Variants in CREB5 observed in about 807,000 individuals in gnomAD.
The protein encoded by CREB5 is cyclic AMP-responsive element-binding protein 5.
CREB5 carries 19 observed loss-of-function variants against 57.1 expected under a neutral mutation model. The observed-to-expected ratio is 0.33, with a 90% CI of 0.23 to 0.49. CREB5 has a LOEUF of 0.49. Ranked by LOEUF, CREB5 falls within the 20% of genes least tolerant of loss-of-function variation. The pLI is 0.99. For synonymous variants in CREB5, 238 were observed against 238.3 expected (o/e 1.00, Z 0.01); for missense variants, 579 against 671.6 (o/e 0.86, Z 1.52).
intron 5 of CREB5, among the ~76,000 whole-genome samples, chr7:28,591,126 A>C (rs1796497977): frequency 6.6e-6 from 1 of 152,190 alleles, no homozygotes; most frequent in Non-Finnish European, 1.5e-5. Context: ...CAGGATGACC[A>C]ACTGATTTTC....
At chr7:28,470,892 C>T (rs1476524925) in intron 1 of CREB5, among the ~76,000 whole-genome samples, 2 of 152,110 alleles carry the variant, frequency 1.3e-5, no homozygotes, top group African/African-American at 4.8e-5. Context: ...AGAAATGTCT[C>T]TTCAAATTTT....
intron 1 of CREB5, among the ~76,000 whole-genome samples, chr7:28,436,136 T>G (rs1788952230): frequency 6.6e-6 from 1 of 151,882 alleles, no homozygotes; most frequent in Admixed American, 6.6e-5. Flanking sequence ...TTTGTTTCTG[T>G]GAGCCATCAG....
intron 9 of CREB5, among the ~76,000 whole-genome samples, chr7:28,811,531 T>C (rs1297645641): frequency 1.3e-5 from 2 of 152,068 alleles, no homozygotes; most frequent in Non-Finnish European, 2.9e-5. Context: ...CACACCGCCA[T>C]GCCTGGCTAA....
chr7:28,747,137 T>C (rs1202282055), intron 7 of CREB5, among the ~76,000 whole-genome samples: 1 of 151,426 alleles, frequency 6.6e-6, no homozygotes, highest in East Asian at 1.9e-4. Context: ...CTGCAGTAAA[T>C]AAATAATATG....
At chr7:28,495,153 C>T (rs1278779196) in intron 3 of CREB5, among the ~76,000 whole-genome samples, 154 bp downstream of exon 3, 1 of 152,156 alleles carries the variant, frequency 6.6e-6, no homozygotes, top group Non-Finnish European at 1.5e-5. Flanking sequence ...AGGTAATATT[C>T]ACCCAAGTGA....
chr7:28,560,340 G>A (rs1179552501), intron 4 of CREB5, among the ~76,000 whole-genome samples: 1 of 152,152 alleles, frequency 6.6e-6, no homozygotes, highest in Non-Finnish European at 1.5e-5. Context: ...TTTGCACAGG[G>A]GATAGTGGTA....
At chr7:28,510,476 A>G (rs1211982646) in intron 4 of CREB5, among the ~76,000 whole-genome samples, 1 of 152,222 alleles carries the variant, frequency 6.6e-6, no homozygotes, top group Non-Finnish European at 1.5e-5. Context: ...TGAACTTTCT[A>G]TGTGTCTTAC....
chr7:28,805,882 C>T (rs988285324), intron 8 of CREB5, among the ~76,000 whole-genome samples: 2 of 152,114 alleles, frequency 1.3e-5, no homozygotes, highest in Admixed American at 6.5e-5. Context: ...GCCCTTGACA[C>T]AGTGTTCAAA....
chr7:28,548,488 A>T (rs1461381492), intron 4 of CREB5, among the ~76,000 whole-genome samples: 2 of 152,206 alleles, frequency 1.3e-5, no homozygotes, highest in African/African-American at 4.8e-5. Context: ...AAAGCAAAGA[A>T]TAATTATAGT....
chr7:28,807,960 C>T (rs1220792246), intron 8 of CREB5, among the ~76,000 whole-genome samples: 1 of 152,108 alleles, frequency 6.6e-6, no homozygotes, highest in Non-Finnish European at 1.5e-5. Context: ...TGGGGGTCTC[C>T]AAGCCTTAGA....
At chr7:28,730,703 A>G (rs1803569290) in intron 7 of CREB5, among the ~76,000 whole-genome samples, 1 of 152,134 alleles carries the variant, frequency 6.6e-6, no homozygotes. Context: ...TTCCATGTAC[A>G]TCATATTGTT....
At chr7:28,701,423 G>A (rs2128737430) in intron 5 of CREB5, among the ~76,000 whole-genome samples, 1 of 152,302 alleles carries the variant, frequency 6.6e-6, no homozygotes, top group South Asian at 2.1e-4. Context: ...GATTTATTCT[G>A]TAAAGTACAA....
At position 28,520,293 on chromosome 7, in the gene CREB5, GCATC is replaced by G. The variant is rs557185524; in HGVS notation, c.291+12558_291+12561del. Among the ~76,000 whole-genome samples, 140 of 152,258 alleles carry G rather than the reference GCATC, an allele frequency of 9.2e-4. 1 individual carries two copies. The highest frequency in any genetic ancestry group is 1.8e-3 in the Admixed American group (27 of 15,296). ...AACTTCCTCCTTCGTAGTTGTCTCC[GCATC>G]CTCCTGCCTCAGGCTTTTGGGAGGC... is the stretch of plus-strand genomic sequence containing the variant. On this transcript the variant is annotated intron_variant, in intron 4 of 10. Transcript: ENST00000357727.
At chr7:28,711,919 C>T (rs751611518) in intron 5 of CREB5, among the ~76,000 whole-genome samples, 11 of 152,150 alleles carry the variant, frequency 7.2e-5, no homozygotes, top group Non-Finnish European at 1.2e-4. Context: ...GTTAGATCAA[C>T]ATTTCAGAAT....
At chr7:28,395,481 C>T (rs1787316478) in intron 1 of CREB5, among the ~76,000 whole-genome samples, 1 of 152,202 alleles carries the variant, frequency 6.6e-6, no homozygotes, top group African/African-American at 2.4e-5. Flanking sequence ...CTTCACGATA[C>T]AGCCTTAGTG....
At chr7:28,350,767 T>C (rs2127990497) in intron 1 of CREB5, among the ~76,000 whole-genome samples, 1 of 151,500 alleles carries the variant, frequency 6.6e-6, no homozygotes, top group Non-Finnish European at 1.5e-5. Context: ...TGTGGGGAGC[T>C]GGAGGAGGAA....
chr7:28,742,073 A>G (rs1277666728), intron 7 of CREB5, among the ~76,000 whole-genome samples: 2 of 151,556 alleles, frequency 1.3e-5, no homozygotes, highest in East Asian at 3.9e-4. Context: ...CTAAAAAAAA[A>G]AAAAAAAAAA....
chr7:28,395,851 G>T (rs1228163873), intron 1 of CREB5, among the ~76,000 whole-genome samples: 1 of 151,384 alleles, frequency 6.6e-6, no homozygotes, highest in Non-Finnish European at 1.5e-5. Flanking sequence ...AATCAGATTG[G>T]CAAGGGAAAA....
Position 28,321,481 on chromosome 7 carries a change from C to T in CREB5, c.-25+22040C>T, listed in dbSNP as rs73686137. Among the ~76,000 whole-genome samples the T allele has an allele frequency of 5.6e-3, 856 of 152,218 alleles. 11 individuals carry two copies. The highest frequency in any genetic ancestry group is 0.048 in the Middle Eastern group (14 of 294). On this transcript the variant is annotated intron_variant, in intron 1 of 9. Coordinates refer to the CREB5 transcript ENST00000396299. ...GGTTCTTTGTTGGCTATTTATTGAC[C>T]CATCTTCTCTCAGGCACGTATATTC...
Sources: allele counts gnomAD v4.1 joint callset (sites outside exome capture counted in the v4.1 genomes callset), GRCh38; gene constraint gnomAD v4.1.1; transcripts MANE v1.5; gene names NCBI Gene and HGNC (gene_info 2026-07-23, HGNC 2026-07-21).